The following INPP5A variants were observed in gnomAD, a reference collection of about 807,000 sequenced individuals.
INPP5A encodes inositol polyphosphate-5-phosphatase A.
Under a neutral mutation model 65.2 loss-of-function variants are expected in INPP5A, and 14 were observed. The observed-to-expected ratio is 0.21, with a 90% CI of 0.14 to 0.34. The LOEUF is 0.34. Ranked by LOEUF, INPP5A falls within the 10% of genes least tolerant of loss-of-function variation. The pLI is 1.00. For synonymous variants in INPP5A, 207 were observed against 208.3 expected, an observed-to-expected ratio of 0.99 and a Z score of 0.05; for missense variants, 431 against 545.6, an observed-to-expected ratio of 0.79 and a Z score of 2.09.
chr10:132,633,585 C>G (rs2133376583), intron 2 of INPP5A, among the ~76,000 whole-genome samples: 1 of 152,264 alleles, frequency 6.6e-6, no homozygotes, highest in South Asian at 2.1e-4. Context: ...AATCCCCAAG[C>G]AGGACGTTGG....
rs73401217 is a variant in INPP5A at position 132,624,650 on chromosome 10, T to G, written c.117+16694T>G. Among the ~76,000 whole-genome samples, 594 of 152,360 alleles carry G rather than the reference T, an allele frequency of 3.9e-3. 3 individuals carry two copies. Among genetic ancestry groups the G allele is most frequent in the African/African-American group, 0.014 (566 of 41,594 alleles). On this transcript the variant is annotated intron_variant, in intron 2 of 15. Transcript: ENST00000368594. ...TGCCTGGCATGTAGGCCGTGGTCTCTGCCCGTTCAGCACCTCCATACATGC... is the reference window on the plus strand; with the variant it reads ...TGCCTGGCATGTAGGCCGTGGTCTCGGCCCGTTCAGCACCTCCATACATGC...
At chr10:132,646,023 C>A in intron 3 of INPP5A, 55 bp downstream of exon 3, 1 of 1,197,736 alleles carries the variant, frequency 8.3e-7, no homozygotes, top group Non-Finnish European at 1.2e-6. Flanking sequence ...TGTGGGGTGC[C>A]GGCGGGGGTC....
At chr10:132,731,330 T>A (rs1564988678) in intron 9 of INPP5A, among the ~76,000 whole-genome samples, 1 of 151,680 alleles carries the variant, frequency 6.6e-6, no homozygotes, top group Non-Finnish European at 1.5e-5. Flanking sequence ...TGGGAGTGAC[T>A]GCGTGCCTCC....
Position 132,708,368 on chromosome 10 carries a change from A to G in INPP5A, c.527+3A>G, listed in dbSNP as rs767997562. 4 of 1,613,486 alleles carry G rather than the reference A, an allele frequency of 2.5e-6. No individual in the cohort carries two copies. The highest frequency in any genetic ancestry group is 1.1e-5 in the South Asian group (1 of 91,070). ...ACGAGGTGGTGCATTGCAGACTGGT[A>G]CGTGGTGTCTGTGCTTTGTCAATTT... On this transcript the variant is annotated splice_donor_region_variant and intron_variant, in intron 7 of 15. Coordinates refer to ENST00000368594, the MANE Select transcript of INPP5A (RefSeq NM_005539.5).
chr10:132,725,314 G>A (rs1009087430), intron 8 of INPP5A, among the ~76,000 whole-genome samples: 9 of 152,176 alleles, frequency 5.9e-5, no homozygotes, highest in Admixed American at 2.0e-4. Context: ...CGGATGCTCC[G>A]TCCTCCCTCG....
chr10:132,654,970 T>G (rs1159680200), intron 4 of INPP5A, among the ~76,000 whole-genome samples: 1 of 152,190 alleles, frequency 6.6e-6, no homozygotes, highest in Non-Finnish European at 1.5e-5. Context: ...GCTTAAAAAA[T>G]GAGGATATTA....
chr10:132,611,180 A>G (rs1471262921), intron 2 of INPP5A, among the ~76,000 whole-genome samples: 1 of 127,138 alleles, frequency 7.9e-6, no homozygotes, highest in Admixed American at 8.0e-5. Context: ...AGGCCCTGTC[A>G]GGGGAGAGTG....
chr10:132,730,968 GT>G (rs1230955574), intron 9 of INPP5A, among the ~76,000 whole-genome samples: 12 of 152,208 alleles, frequency 7.9e-5, no homozygotes. Flanking sequence ...CTTTCAACCA[GT>G]GCAGGGGCTA....
In INPP5A at chr10:132,549,685, G is replaced by T. The variant is rs2071025330; in HGVS notation, c.75+11514G>T. The stretch of plus-strand genomic sequence containing the variant: ...GTGCGTGTCCTGGAGCTCTGCAGCT[G>T]CAGGGCGGGAGCCGGGGCTTCCGTG... On this transcript the variant is annotated intron_variant, in intron 1 of 15. Transcript: ENST00000368594. The surrounding 1 kb of genome is among the most constrained non-coding windows in gnomAD (Gnocchi z 4.9). 6.6e-6 allele frequency among the ~76,000 whole-genome samples: 1 copy of T among 152,244 alleles called. No homozygotes were observed. The highest frequency in any genetic ancestry group is 1.5e-5 in the Non-Finnish European group (1 of 68,040).
chr10:132,720,446 G>A (rs1446161436), intron 8 of INPP5A, among the ~76,000 whole-genome samples: 8 of 145,946 alleles, frequency 5.5e-5, no homozygotes, highest in Non-Finnish European at 1.0e-4. Flanking sequence ...CGCCTTAGAC[G>A]GCTGTCTTCA....
chr10:132,731,897 T>C (rs983612429), intron 9 of INPP5A, among the ~76,000 whole-genome samples: 1 of 152,184 alleles, frequency 6.6e-6, no homozygotes. Flanking sequence ...GGCACCAGAA[T>C]TGGACACCAT....
intron 1 of INPP5A, among the ~76,000 whole-genome samples, chr10:132,604,196 C>T (rs1208320490): frequency 1.4e-5 from 2 of 147,486 alleles, no homozygotes; most frequent in Non-Finnish European, 3.0e-5. Flanking sequence ...CTCTGGCGTA[C>T]CCTGTGCTGT....
intron 2 of INPP5A, among the ~76,000 whole-genome samples, chr10:132,645,003 C>T (rs1050117946): frequency 2.0e-5 from 3 of 152,162 alleles, no homozygotes; most frequent in Non-Finnish European, 2.9e-5. Context: ...ACTGCATCCG[C>T]TCTCTGAATT....
chr10:132,719,667 C>T (rs1457531670), intron 8 of INPP5A, among the ~76,000 whole-genome samples: 8 of 148,810 alleles, frequency 5.4e-5, no homozygotes, highest in East Asian at 4.0e-4. Flanking sequence ...TCTGTCTGGG[C>T]ACCTTAGACG....
Position 132,607,903 on chromosome 10 carries a change from C to T in INPP5A, c.76-12C>T. Reference sequence around the variant, plus strand: ...GGTCTGACTGGCTTTTCTTTTTCTTCTTAATTTACAGCCAGAAAACCTGCA... The same window carrying T: ...GGTCTGACTGGCTTTTCTTTTTCTTTTTAATTTACAGCCAGAAAACCTGCA... On this transcript the variant is annotated splice_polypyrimidine_tract_variant and intron_variant, in intron 1 of 15. Coordinates refer to ENST00000368594, the MANE Select transcript of INPP5A (RefSeq NM_005539.5). 1 of 1,607,268 alleles carries T rather than the reference C, an allele frequency of 6.2e-7. No individual in the cohort carries two copies. The highest frequency in any genetic ancestry group is 8.5e-7 in the Non-Finnish European group (1 of 1,179,766).
At chr10:132,680,391 A>G (rs1055241852) in intron 4 of INPP5A, among the ~76,000 whole-genome samples, 1 of 152,222 alleles carries the variant, frequency 6.6e-6, no homozygotes, top group Admixed American at 6.5e-5. Flanking sequence ...GCAGATCCAA[A>G]CTGCCATTTT....
chr10:132,631,253 C>T (rs1302623696), intron 2 of INPP5A, among the ~76,000 whole-genome samples: 1 of 152,206 alleles, frequency 6.6e-6, no homozygotes, highest in Non-Finnish European at 1.5e-5. Context: ...GTCCCATCGG[C>T]TGCGCCTTGA....
intron 2 of INPP5A, among the ~76,000 whole-genome samples, chr10:132,635,946 T>TC (rs2072344048): frequency 6.8e-6 from 1 of 147,014 alleles, no homozygotes; most frequent in Admixed American, 6.8e-5. Context: ...CCACAGCACT[T>TC]CAGCCTGGGT....
In INPP5A at chr10:132,639,308, C is replaced by CT. The variant is rs201064482; in HGVS notation, c.118-6545dup. Among the ~76,000 whole-genome samples the CT allele has an allele frequency of 5.0e-3, 707 of 140,390 alleles. 5 individuals carry two copies. Among genetic ancestry groups the CT allele is most frequent in the South Asian group, 0.014 (60 of 4,402 alleles). The allele number at this position is 140,390 out of a possible 152,430, so 92.1% of individuals were successfully genotyped here. ...CAATAGATACTGACTTCTGGGTTGA[C>CT]TTTTTTTTTTTTTTTCCTTAAGCAC... On this transcript the variant is annotated intron_variant, in intron 2 of 15. Transcript: ENST00000368594.
Sources: gnomAD v4.1 joint callset for allele counts (sites outside exome capture counted in the v4.1 genomes callset) on GRCh38, gnomAD v4.1.1 for gene constraint, Gnocchi (gnomAD v3.1) non-coding constraint, MANE v1.5 for transcripts, NCBI Gene and HGNC (gene_info 2026-07-23, HGNC 2026-07-21) for gene names.